Variants in ZNF469 observed in about 807,000 individuals in gnomAD.
ZNF469 encodes zinc finger protein 469.
In ZNF469, 1 loss-of-function variant was observed where a neutral mutation model predicts 1.0. The ratio of observed to expected loss-of-function variants is 1.00; its 90% CI spans 0.35 to 4.73. The LOEUF is 4.73. Among genes scored for constraint, ZNF469 ranks in the 30% most tolerant of loss-of-function variants. The probability of loss-of-function intolerance (pLI) is 0.16; values close to 1 mark genes in which losing one functional copy is unlikely to be tolerated. For synonymous variants in ZNF469, 2,703 were observed against 2,363.4 expected (o/e 1.14, Z -4.17); for missense variants, 6,100 against 5,356.3 (o/e 1.14, Z -4.33).
rs1234417599 is a variant in ZNF469 at position 88,430,926 on chromosome 16, C to G, written c.3456C>G (p.Pro1152=). Residue 1152 remains proline, a synonymous_variant, in exon 3 of 3, where the codon CCC becomes CCG. Coordinates refer to ENST00000565624, the MANE Select transcript of ZNF469 (RefSeq NM_001367624.2). ...AGGAAGCCGGCGGGGACGGAGCCCC[C>G]GCGAACCCCGAGGAGCCGGGCGGGT... ...ARQEAGGDGA[P]ANPEEPGGSR... 1.3e-6 allele frequency: 2 copies of G among 1,536,330 alleles called. No homozygotes were observed.
chr16:88,435,923 T>C lies in ZNF469; in HGVS notation c.8453T>C (p.Leu2818Pro). ...SPADSTTSSC[L>P]QGLPDNPDTQ... ...GCGGACAGCACCACCAGCAGCTGCC[T>C]CCAGGGCCTCCCGGACAACCCAGAC... is the stretch of plus-strand genomic sequence containing the variant. The change falls in exon 3 of 3, where the codon CTC (leucine) becomes CCC (proline). Residue 2818 changes from leucine (L) to proline (P), a missense_variant. Transcript: ENST00000565624. The C allele has an allele frequency of 6.5e-7, 1 of 1,550,006 alleles. No homozygotes were observed. Among genetic ancestry groups the C allele is most frequent in the Non-Finnish European group, 8.7e-7 (1 of 1,146,954 alleles).
the ZNF469 span, among the ~76,000 whole-genome samples, chr16:88,228,258 G>A: frequency 2.6e-5 from 4 of 152,244 alleles, no homozygotes; most frequent in African/African-American, 7.2e-5. Flanking sequence ...GCTGCCTGCC[G>A]GCTTCGCAGG....
chr16:88,204,774 G>A, the ZNF469 span, among the ~76,000 whole-genome samples: 1 of 152,186 alleles, frequency 6.6e-6, no homozygotes, highest in Non-Finnish European at 1.5e-5. Flanking sequence ...GGGTCCTGGA[G>A]TGGGGCGTTC....
chr16:88,375,159 A>G, the ZNF469 span, among the ~76,000 whole-genome samples: 1 of 152,252 alleles, frequency 6.6e-6, no homozygotes, highest in Non-Finnish European at 1.5e-5. Flanking sequence ...CAGCGTGGAA[A>G]TTTGGGAACT....
intron 1 of ZNF469, among the ~76,000 whole-genome samples, chr16:88,410,017 G>A (rs112019096): frequency 1.3e-5 from 2 of 152,004 alleles, no homozygotes; most frequent in Admixed American, 6.6e-5. Flanking sequence ...TCCAGTGGAC[G>A]ATGAGAGTCA....
At chr16:88,248,567 T>G in the ZNF469 span, among the ~76,000 whole-genome samples, 1 of 152,190 alleles carries the variant, frequency 6.6e-6, no homozygotes, top group Non-Finnish European at 1.5e-5. Context: ...TTTTAACTTG[T>G]GTAGAATTTA....
chr16:88,166,263 A>T, the ZNF469 span, among the ~76,000 whole-genome samples: 4 of 152,186 alleles, frequency 2.6e-5, no homozygotes, highest in South Asian at 2.1e-4. This position sits in a 1 kb window ranked among gnomAD's most constrained non-coding sequence, Gnocchi z 4.5. Flanking sequence ...CACTTTGATC[A>T]AATCTCCATT....
intron 1 of ZNF469, among the ~76,000 whole-genome samples, chr16:88,397,363 G>A (rs1236328402): frequency 1.3e-5 from 2 of 152,204 alleles, no homozygotes; most frequent in Non-Finnish European, 2.9e-5. Context: ...TTGTGGCCTG[G>A]GAGTGCCTTT....
chr16:88,332,756 C>G, the ZNF469 span, among the ~76,000 whole-genome samples: 1 of 152,138 alleles, frequency 6.6e-6, no homozygotes, highest in East Asian at 1.9e-4. Flanking sequence ...GCCCCCAGCA[C>G]CACTGCTCAG....
intron 1 of ZNF469, among the ~76,000 whole-genome samples, chr16:88,414,214 G>A (rs1305432534): frequency 6.6e-6 from 1 of 152,218 alleles, no homozygotes; most frequent in Non-Finnish European, 1.5e-5. Context: ...CCCCCACCTG[G>A]ATTCAGGCTG....
chr16:88,184,513 A>C, the ZNF469 span, among the ~76,000 whole-genome samples: 1 of 151,616 alleles, frequency 6.6e-6, no homozygotes, highest in East Asian at 1.9e-4. Context: ...GTCTCTTCTC[A>C]CTACTGAGAG....
the ZNF469 span, among the ~76,000 whole-genome samples, chr16:88,298,773 G>A: frequency 9.9e-5 from 15 of 152,164 alleles, no homozygotes; most frequent in African/African-American, 3.4e-4. Context: ...GCAAGCAGAC[G>A]TGCATTCCAT....
At chr16:88,125,514 C>T in the ZNF469 span, among the ~76,000 whole-genome samples, 5 of 152,294 alleles carry the variant, frequency 3.3e-5, no homozygotes, top group African/African-American at 7.2e-5. Flanking sequence ...ATCTATTGGC[C>T]GATTTGGGAA....
At chr16:88,226,526 G>A in the ZNF469 span, among the ~76,000 whole-genome samples, 8 of 152,108 alleles carry the variant, frequency 5.3e-5, no homozygotes, top group South Asian at 4.1e-4. Context: ...TGTGACCTCC[G>A]GAGTTGGGAG....
At chr16:88,226,628 G>A in the ZNF469 span, among the ~76,000 whole-genome samples, 1 of 152,118 alleles carries the variant, frequency 6.6e-6, no homozygotes, top group Non-Finnish European at 1.5e-5. Flanking sequence ...CTGGAAAGCA[G>A]ATGTCACCCT....
the ZNF469 span, among the ~76,000 whole-genome samples, chr16:88,326,571 T>G: frequency 1.3e-5 from 2 of 152,176 alleles, no homozygotes; most frequent in Non-Finnish European, 2.9e-5. Context: ...GTGACACTGC[T>G]GGGCAGGACA....
Position 88,437,227 on chromosome 16 carries a change from G to A in ZNF469, c.9757G>A (p.Gly3253Arg), listed in dbSNP as rs1434362867. 1.9e-6 allele frequency: 3 copies of A among 1,549,244 alleles called. No homozygotes were observed. The highest frequency in any genetic ancestry group is 1.7e-6 in the Non-Finnish European group (2 of 1,146,478). Reference protein sequence around the residue: ...RSAGKAAGSPGDPWGQEGEAK... With the variant: ...RSAGKAAGSPRDPWGQEGEAK... ...CGCCGGCAAGGCCGCCGGGAGCCCG[G>A]GAGACCCGTGGGGGCAAGAGGGAGA... The change falls in exon 3 of 3, where the codon GGA (glycine) becomes AGA (arginine). Residue 3253 changes from glycine to arginine, a missense_variant. Coordinates refer to ENST00000565624, the MANE Select transcript of ZNF469 (RefSeq NM_001367624.2).
the ZNF469 span, among the ~76,000 whole-genome samples, chr16:88,340,913 G>A: frequency 6.6e-6 from 1 of 151,962 alleles, no homozygotes; most frequent in African/African-American, 2.4e-5. Flanking sequence ...CGTGGAGGAG[G>A]GCCTCGCAGA....
chr16:88,419,012 G>A (rs1382092121), intron 1 of ZNF469, among the ~76,000 whole-genome samples: 1 of 152,222 alleles, frequency 6.6e-6, no homozygotes, highest in Non-Finnish European at 1.5e-5. Flanking sequence ...CCCAAGTTGT[G>A]AATGGGGCCG....
Sources: allele counts gnomAD v4.1 joint callset (sites outside exome capture counted in the v4.1 genomes callset), GRCh38; gene constraint gnomAD v4.1.1; non-coding constraint Gnocchi (gnomAD v3.1); transcripts MANE v1.5; gene names NCBI Gene and HGNC (gene_info 2026-07-23, HGNC 2026-07-21).